Variants in GPR137C observed in about 807,000 individuals in gnomAD.
The protein encoded by GPR137C is G protein-coupled receptor 137C, also known as integral membrane protein GPR137C.
In GPR137C, 27 loss-of-function variants were observed where a neutral mutation model predicts 43.4. The ratio of observed to expected loss-of-function variants is 0.62; its 90% CI spans 0.46 to 0.86. The LOEUF is 0.86. Ranked by LOEUF, GPR137C falls within the 40% of genes least tolerant of loss-of-function variation. The probability of loss-of-function intolerance (pLI) is 0.00; values close to 1 mark genes in which losing one functional copy is unlikely to be tolerated. For missense variants in GPR137C, 522 were observed against 534.6 expected (o/e 0.98, Z 0.23); for synonymous variants, 285 against 226.9 (o/e 1.26, Z -2.30).
At chr14:52,590,922 G>A (rs1406779087) in intron 1 of GPR137C, among the ~76,000 whole-genome samples, 1 of 152,054 alleles carries the variant, frequency 6.6e-6, no homozygotes, top group Non-Finnish European at 1.5e-5. Flanking sequence ...CATGTTGTTT[G>A]CTGCACCCAT....
chr14:52,597,971 C>T (rs1000247083), intron 1 of GPR137C, among the ~76,000 whole-genome samples: 1 of 152,220 alleles, frequency 6.6e-6, no homozygotes, highest in East Asian at 1.9e-4. Flanking sequence ...GGTGGCAAGC[C>T]ATTCAGCACA....
At chr14:52,559,105 C>T (rs919232616) in intron 1 of GPR137C, among the ~76,000 whole-genome samples, 1 of 152,156 alleles carries the variant, frequency 6.6e-6, no homozygotes, top group Non-Finnish European at 1.5e-5. Flanking sequence ...TGACCTGGTG[C>T]AGTGGCTCAC....
At chr14:52,569,167 A>G (rs1409992895) in intron 1 of GPR137C, among the ~76,000 whole-genome samples, 2 of 152,096 alleles carry the variant, frequency 1.3e-5, no homozygotes, top group African/African-American at 4.8e-5. Flanking sequence ...GGGTCTGGAG[A>G]GGACCTCCAG....
chr14:52,593,763 G>T (rs556114577), intron 1 of GPR137C, among the ~76,000 whole-genome samples: 2 of 144,742 alleles, frequency 1.4e-5, no homozygotes, highest in East Asian at 4.1e-4. Context: ...CTATTTTGTT[G>T]ATCTTTCAAA....
intron 3 of GPR137C, among the ~76,000 whole-genome samples, chr14:52,601,504 A>G (rs1029620576): frequency 1.3e-5 from 2 of 151,316 alleles, no homozygotes; most frequent in Non-Finnish European, 3.0e-5. Flanking sequence ...GTGTGTATAT[A>G]TATATAGAGA....
chr14:52,566,701 G>A (rs902363269), intron 1 of GPR137C, among the ~76,000 whole-genome samples: 3 of 152,156 alleles, frequency 2.0e-5, no homozygotes, highest in Non-Finnish European at 2.9e-5. Context: ...TTATACATAC[G>A]TTTTTAGACA....
chr14:52,580,401 A>AG lies in GPR137C; in HGVS notation c.445-17870dup, dbSNP rs1236921629. On this transcript the variant is annotated intron_variant, in intron 1 of 6. Transcript: ENST00000321662. ...TTTTTGAGACAGAGTCTCACCCTGT[A>AG]GCCCAAGCTGGAGTTCGGTGGCACG... 3.9e-5 allele frequency among the ~76,000 whole-genome samples: 6 copies of AG among 152,248 alleles called. No individual in the cohort carries two copies. The East Asian group carries it at 7.7e-4, about 20-fold the overall frequency.
Position 52,553,243 on chromosome 14 carries a change from C to A in GPR137C, c.96C>A (p.Ala32=). Residue 32 remains alanine (A), a synonymous_variant, in exon 1 of 7, where the codon GCC becomes GCA. Transcript: ENST00000321662. ...TPGGGSGGGG[A]VAAASGAAVP... ...GCGGGGGCAGCGGAGGCGGAGGCGCCGTCGCTGCAGCCTCAGGCGCCGCGG... is the reference window on the plus strand; with the variant it reads ...GCGGGGGCAGCGGAGGCGGAGGCGCAGTCGCTGCAGCCTCAGGCGCCGCGG... 1.5e-6 allele frequency: 2 copies of A among 1,306,774 alleles called. No individual in the cohort carries two copies. The highest frequency in any genetic ancestry group is 1.9e-6 in the Non-Finnish European group (2 of 1,028,010). The allele number at this position is 1,306,774 out of a possible 1,614,324, so 80.9% of individuals were successfully genotyped here. A position where few individuals can be genotyped will look rare whatever the true frequency, so the allele number is the denominator to read the frequency against.
At chr14:52,601,355 A>G (rs2139529061) in intron 3 of GPR137C, among the ~76,000 whole-genome samples, 1 of 152,314 alleles carries the variant, frequency 6.6e-6, no homozygotes, top group South Asian at 2.1e-4. Flanking sequence ...TATCCTTAAT[A>G]TAGTCCTAGT....
intron 3 of GPR137C, among the ~76,000 whole-genome samples, chr14:52,621,919 T>C (rs2039165952): frequency 6.6e-6 from 1 of 151,684 alleles, no homozygotes; most frequent in Non-Finnish European, 1.5e-5. Flanking sequence ...TTATTTAAAA[T>C]AAATCCATTA....
intron 6 of GPR137C, among the ~76,000 whole-genome samples, chr14:52,634,671 C>T: frequency 6.6e-6 from 1 of 152,072 alleles, no homozygotes; most frequent in East Asian, 1.9e-4. Flanking sequence ...ATAAGGACTA[C>T]ATTGTTGTCA....
At chr14:52,611,814 G>C in intron 3 of GPR137C, 2 of 520,218 alleles carry the variant, frequency 3.8e-6, no homozygotes, top group Non-Finnish European at 2.5e-6. Context: ...ATAAAGTATA[G>C]TAATCATGTC....
At chr14:52,628,645 A>C (rs2039258474) in intron 3 of GPR137C, among the ~76,000 whole-genome samples, 1 of 151,916 alleles carries the variant, frequency 6.6e-6, no homozygotes, top group Non-Finnish European at 1.5e-5. Context: ...AAAATACAAA[A>C]ATTTGCCAGG....
intron 1 of GPR137C, among the ~76,000 whole-genome samples, chr14:52,577,152 A>G (rs1000535622): frequency 1.5e-5 from 2 of 129,222 alleles, no homozygotes; most frequent in African/African-American, 6.1e-5. Context: ...GTGCCACTGC[A>G]CTCCAGCCTG....
chr14:52,569,518 C>T (rs1187938436), intron 1 of GPR137C, among the ~76,000 whole-genome samples: 1 of 151,770 alleles, frequency 6.6e-6, no homozygotes, highest in East Asian at 1.9e-4. Context: ...CATGTTCTAA[C>T]CCAATGCAAG....
intron 1 of GPR137C, among the ~76,000 whole-genome samples, chr14:52,586,576 T>A (rs917146486): frequency 1.3e-5 from 2 of 152,214 alleles, no homozygotes; most frequent in Admixed American, 6.5e-5. Context: ...GTTTCTCTCC[T>A]CTGCCCATCT....
At chr14:52,568,304 A>C (rs1440550310) in intron 1 of GPR137C, among the ~76,000 whole-genome samples, 1 of 152,074 alleles carries the variant, frequency 6.6e-6, no homozygotes, top group African/African-American at 2.4e-5. Context: ...GGTCTTCCCA[A>C]CCTGCAAACC....
intron 3 of GPR137C, among the ~76,000 whole-genome samples, chr14:52,621,906 A>G (rs930222041): frequency 6.6e-6 from 1 of 151,712 alleles, no homozygotes; most frequent in Non-Finnish European, 1.5e-5. Context: ...TCCATTTATT[A>G]ATTTATTTAA....
chr14:52,625,771 G>C (rs774267799), intron 3 of GPR137C, among the ~76,000 whole-genome samples: 24 of 151,644 alleles, frequency 1.6e-4, no homozygotes, highest in Non-Finnish European at 2.6e-4. Context: ...AGCCAGGATG[G>C]TCTCGATCTC....
Sources: allele counts gnomAD v4.1 joint callset (sites outside exome capture counted in the v4.1 genomes callset), GRCh38; gene constraint gnomAD v4.1.1; transcripts MANE v1.5; gene names NCBI Gene and HGNC (gene_info 2026-07-23, HGNC 2026-07-21).